POFUT3: variants seen among roughly 807,000 people sequenced by gnomAD.
POFUT3 encodes the protein GDP-fucose protein O-fucosyltransferase 3.
chr8:33,332,508 G>A, the POFUT3 span, among the ~76,000 whole-genome samples: 220 of 122,800 alleles, frequency 1.8e-3, 3 homozygotes, highest in African/African-American at 6.1e-3. Context: ...AAAAGAAGAA[G>A]AAGAAGAAGA....
chr8:33,350,154 G>T, the POFUT3 span, among the ~76,000 whole-genome samples: 1 of 151,888 alleles, frequency 6.6e-6, no homozygotes, highest in South Asian at 2.1e-4. Context: ...TGTAGATTCT[G>T]GATATTAGTC....
chr8:33,312,697 A>G, the POFUT3 span, among the ~76,000 whole-genome samples: 1 of 152,108 alleles, frequency 6.6e-6, no homozygotes, highest in Non-Finnish European at 1.5e-5. Flanking sequence ...TTCATTTTAG[A>G]GTTCATCCTG....
chr8:33,453,493 C>A, the POFUT3 span: 1 of 1,609,560 alleles, frequency 6.2e-7, no homozygotes, highest in Non-Finnish European at 8.5e-7. Flanking sequence ...TTTCAAACTT[C>A]CCCAGCTCAA....
the POFUT3 span, among the ~76,000 whole-genome samples, chr8:33,463,608 G>T: frequency 6.6e-6 from 1 of 152,068 alleles, no homozygotes; most frequent in African/African-American, 2.4e-5. Flanking sequence ...GCAGTAGTGT[G>T]ATCATGGCTC....
At chr8:33,345,398 CT>C in the POFUT3 span, among the ~76,000 whole-genome samples, 24,395 of 122,356 alleles carry the variant, frequency 0.2, 1,526 homozygotes, top group South Asian at 0.43. Context: ...GTATATTTTA[CT>C]TTTTTTTTTT....
the POFUT3 span, among the ~76,000 whole-genome samples, chr8:33,357,670 A>C: frequency 2.0e-5 from 3 of 151,848 alleles, no homozygotes; most frequent in South Asian, 6.2e-4. Flanking sequence ...TCTCAATCCC[A>C]AAAATTTGTT....
At chr8:33,352,431 A>G in the POFUT3 span, among the ~76,000 whole-genome samples, 3 of 152,236 alleles carry the variant, frequency 2.0e-5, no homozygotes, top group African/African-American at 7.2e-5. Flanking sequence ...CAGATAAATG[A>G]ATATGTCCAC....
chr8:33,339,283 G>A, the POFUT3 span, among the ~76,000 whole-genome samples: 2 of 152,144 alleles, frequency 1.3e-5, no homozygotes, highest in East Asian at 1.9e-4. Flanking sequence ...ACATACAACC[G>A]TGAGTATAAA....
At chr8:33,427,053 A>G in the POFUT3 span, among the ~76,000 whole-genome samples, 3 of 152,210 alleles carry the variant, frequency 2.0e-5, no homozygotes, top group African/African-American at 7.2e-5. Context: ...CTAGGCAAAC[A>G]AGCATACAGC....
chr8:33,451,439 T>C, the POFUT3 span, among the ~76,000 whole-genome samples: 1 of 152,084 alleles, frequency 6.6e-6, no homozygotes, highest in Non-Finnish European at 1.5e-5. Flanking sequence ...TACGTGTGTA[T>C]ATATGTGCAT....
chr8:33,412,166 A>G, the POFUT3 span, among the ~76,000 whole-genome samples: 1 of 152,334 alleles, frequency 6.6e-6, no homozygotes, highest in South Asian at 2.1e-4. Context: ...GAAAATCCTC[A>G]ATGTAAGTAA....
the POFUT3 span, among the ~76,000 whole-genome samples, chr8:33,430,256 C>T: frequency 1.3e-5 from 2 of 152,100 alleles, no homozygotes; most frequent in African/African-American, 2.4e-5. Context: ...AACTTGGTTG[C>T]CCCAAAAATC....
the POFUT3 span, among the ~76,000 whole-genome samples, chr8:33,464,651 G>A: frequency 2.0e-5 from 3 of 152,196 alleles, no homozygotes; most frequent in African/African-American, 4.8e-5. Flanking sequence ...GCATGGCGGT[G>A]AGTGTCTGTA....
chr8:33,405,611 T>A, the POFUT3 span, among the ~76,000 whole-genome samples: 1 of 152,222 alleles, frequency 6.6e-6, no homozygotes, highest in Admixed American at 6.5e-5. Context: ...GATCTTTTAG[T>A]TGCAGGTAAT....
chr8:33,361,859 C>A, the POFUT3 span, among the ~76,000 whole-genome samples: 1 of 152,038 alleles, frequency 6.6e-6, no homozygotes. Flanking sequence ...TCTTTTCACT[C>A]ATTGATCGAT....
At chr8:33,335,641 A>G in the POFUT3 span, among the ~76,000 whole-genome samples, 5 of 152,202 alleles carry the variant, frequency 3.3e-5, no homozygotes, top group Admixed American at 6.5e-5. Flanking sequence ...TGACTCCCCA[A>G]AAACTTAACT....
the POFUT3 span, among the ~76,000 whole-genome samples, chr8:33,402,925 G>A: frequency 1.3e-5 from 2 of 151,804 alleles, no homozygotes; most frequent in East Asian, 1.9e-4. Flanking sequence ...GCCAGGTGCG[G>A]TGGTGTGTAC....
the POFUT3 span, among the ~76,000 whole-genome samples, chr8:33,309,159 A>ATGGGG: frequency 1.9e-5 from 1 of 53,890 alleles, no homozygotes; most frequent in African/African-American, 1.3e-4. Context: ...AAAAAAAAAA[A>ATGGGG]AAAAAAAAAT....
chr8:33,420,769 T>A, the POFUT3 span, among the ~76,000 whole-genome samples: 1 of 152,026 alleles, frequency 6.6e-6, no homozygotes, highest in East Asian at 1.9e-4. Flanking sequence ...CAATAATATA[T>A]TATACAGTTT....
Sources: gnomAD v4.1 joint callset for allele counts (sites outside exome capture counted in the v4.1 genomes callset) on GRCh38, gnomAD v4.1.1 for gene constraint, MANE v1.5 for transcripts, NCBI Gene and HGNC (gene_info 2026-07-23, HGNC 2026-07-21) for gene names.